The following MACROD2 variants were observed in gnomAD, a reference collection of about 807,000 sequenced individuals.
MACROD2 encodes the protein ADP-ribose glycohydrolase MACROD2.
A neutral mutation model predicts 70.4 loss-of-function variants in MACROD2; 36 were observed. The observed-to-expected ratio is 0.51, with a 90% CI of 0.39 to 0.68. The LOEUF (loss-of-function observed/expected upper bound fraction) is 0.68, where lower values mean the gene tolerates loss of function less well. MACROD2 is among the 30% of genes least tolerant of loss of function. The pLI, the probability that MACROD2 is intolerant of heterozygous loss-of-function variation, is 0.00. For missense variants in MACROD2, 496 were observed against 538.4 expected (o/e 0.92, Z 0.78); for synonymous variants, 172 against 178.8 (o/e 0.96, Z 0.30).
At position 15,186,559 on chromosome 20, in the gene MACROD2, G is replaced by A. The variant is rs149931033; in HGVS notation, c.419-43381G>A. 1.6e-3 allele frequency among the ~76,000 whole-genome samples: 239 copies of A among 152,296 alleles called. 1 individual carries two copies. The highest frequency in any genetic ancestry group is 5.6e-3 in the African/African-American group (231 of 41,560). On this transcript the variant is annotated intron_variant, in intron 5 of 17. Coordinates refer to ENST00000684519, the MANE Select transcript of MACROD2 (RefSeq NM_001351661.2). The stretch of plus-strand genomic sequence containing the variant: ...AAGTGCTAAATAAGTATTTGTTGGA[G>A]ATGGTATACCCAAATATACAATAGT...
chr20:14,431,982 C>A (rs1261908593), intron 3 of MACROD2, among the ~76,000 whole-genome samples: 1 of 152,152 alleles, frequency 6.6e-6, no homozygotes, highest in Non-Finnish European at 1.5e-5. Context: ...GGCACAAATC[C>A]AGCCATGCTG....
intron 6 of MACROD2, among the ~76,000 whole-genome samples, chr20:15,233,982 T>TA (rs1491532423): frequency 0.018 from 765 of 43,116 alleles, 23 homozygotes; most frequent in African/African-American, 0.024. Flanking sequence ...TATATATTTA[T>TA]TTATATATAT....
At chr20:15,572,477 T>C (rs1001292884) in intron 8 of MACROD2, among the ~76,000 whole-genome samples, 2 of 152,122 alleles carry the variant, frequency 1.3e-5, no homozygotes, top group Admixed American at 6.5e-5. Context: ...TTCAGTGAAG[T>C]TCATTGTAAT....
chr20:15,197,444 T>A (rs1295240889), intron 5 of MACROD2, among the ~76,000 whole-genome samples: 1 of 152,168 alleles, frequency 6.6e-6, no homozygotes, highest in East Asian at 1.9e-4. Context: ...AATGAAATGT[T>A]TAAAATATTT....
intron 5 of MACROD2, among the ~76,000 whole-genome samples, chr20:14,766,105 A>T (rs2072084866): frequency 6.6e-6 from 1 of 150,976 alleles, no homozygotes; most frequent in African/African-American, 2.4e-5. Flanking sequence ...AAAGCTGTTT[A>T]TCTCAGAAGA....
intron 6 of MACROD2, among the ~76,000 whole-genome samples, chr20:15,311,534 A>G (rs756863968): frequency 2.0e-5 from 3 of 152,206 alleles, no homozygotes; most frequent in Non-Finnish European, 2.9e-5. Flanking sequence ...AAATCAACCT[A>G]GGTGCCCATC....
chr20:14,892,242 C>A (rs1414514893), intron 5 of MACROD2, among the ~76,000 whole-genome samples: 2 of 152,102 alleles, frequency 1.3e-5, no homozygotes, highest in Non-Finnish European at 2.9e-5. Flanking sequence ...GAGGCCGAGG[C>A]AGATGGATCA....
intron 2 of MACROD2, chr20:14,052,160 G>C: frequency 3.4e-6 from 1 of 291,348 alleles, no homozygotes; most frequent in Non-Finnish European, 6.8e-6. Context: ...CTTTTCCAAG[G>C]GTGGTAGAGA....
chr20:15,607,955 T>A (rs460953), intron 8 of MACROD2, among the ~76,000 whole-genome samples: 2 of 152,190 alleles, frequency 1.3e-5, no homozygotes, highest in Non-Finnish European at 2.9e-5. Flanking sequence ...AAGTGTCATC[T>A]GAGTTGGGAA....
At chr20:14,722,319 G>GA (rs916320781) in intron 5 of MACROD2, among the ~76,000 whole-genome samples, 4 of 152,116 alleles carry the variant, frequency 2.6e-5, no homozygotes, top group Non-Finnish European at 5.9e-5. Flanking sequence ...ATGTCATTGG[G>GA]AAAAAAGGCA....
intron 8 of MACROD2, among the ~76,000 whole-genome samples, chr20:15,519,823 A>G (rs2047626956): frequency 6.6e-6 from 1 of 152,228 alleles, no homozygotes; most frequent in Non-Finnish European, 1.5e-5. Context: ...GGAGAAAGCC[A>G]TTCTTGGAGT....
chr20:14,260,723 A>G (rs2082094618), intron 3 of MACROD2, among the ~76,000 whole-genome samples: 1 of 152,208 alleles, frequency 6.6e-6, no homozygotes, highest in African/African-American at 2.4e-5. Context: ...TTAACTTTTT[A>G]GTGTCCTGGT....
chr20:14,834,847 T>A (rs953862164), intron 5 of MACROD2, among the ~76,000 whole-genome samples: 4 of 152,006 alleles, frequency 2.6e-5, no homozygotes, highest in Admixed American at 1.3e-4. Flanking sequence ...TATGAGAATA[T>A]GTGTGTATAT....
intron 5 of MACROD2, among the ~76,000 whole-genome samples, chr20:15,097,064 G>A (rs1040763050): frequency 1.3e-5 from 2 of 151,554 alleles, no homozygotes; most frequent in Non-Finnish European, 2.9e-5. Context: ...TGCCCGCCTC[G>A]GCCTCCCAAA....
At chr20:14,823,511 C>A (rs1006167473) in intron 5 of MACROD2, among the ~76,000 whole-genome samples, 3 of 152,084 alleles carry the variant, frequency 2.0e-5, no homozygotes, top group Admixed American at 2.0e-4. Flanking sequence ...TTAGCACACT[C>A]AAGGTTGCCT....
chr20:15,300,227 C>G (rs897903091), intron 6 of MACROD2, among the ~76,000 whole-genome samples: 1 of 152,120 alleles, frequency 6.6e-6, no homozygotes, highest in African/African-American at 2.4e-5. Context: ...TTACCTAAAG[C>G]CTCCACGTAT....
chr20:14,831,779 T>TAA (rs1568821660), intron 5 of MACROD2, among the ~76,000 whole-genome samples: 1 of 2,708 alleles, frequency 3.7e-4, no homozygotes, highest in Non-Finnish European at 1.0e-3. Context: ...AAACTCCGTC[T>TAA]CAAAAAAAAA....
At chr20:15,926,750 GCA>G (rs2065495610) in intron 10 of MACROD2, among the ~76,000 whole-genome samples, 1 of 152,218 alleles carries the variant, frequency 6.6e-6, no homozygotes, top group African/African-American at 2.4e-5. Flanking sequence ...TGGAGGAACA[GCA>G]CAGAGGCCAG....
At chr20:14,163,754 T>C (rs1437454043) in intron 3 of MACROD2, among the ~76,000 whole-genome samples, 3 of 151,452 alleles carry the variant, frequency 2.0e-5, no homozygotes, top group Non-Finnish European at 4.4e-5. Context: ...CTTTTGAATA[T>C]ATTTTGTATT....
Sources: gnomAD v4.1 joint callset for allele counts (sites outside exome capture counted in the v4.1 genomes callset) on GRCh38, gnomAD v4.1.1 for gene constraint, MANE v1.5 for transcripts, NCBI Gene and HGNC (gene_info 2026-07-23, HGNC 2026-07-21) for gene names.